Variants in CASZ1 observed in about 807,000 individuals in gnomAD.
CASZ1 encodes the protein zinc finger protein castor homolog 1.
A neutral mutation model predicts 135.2 loss-of-function variants in CASZ1; 28 were observed. That is an observed-to-expected ratio of 0.21 (90% confidence interval 0.15 to 0.28). The LOEUF (loss-of-function observed/expected upper bound fraction) is 0.28. Ranked by LOEUF, CASZ1 falls within the 10% of genes least tolerant of loss-of-function variation. CASZ1 has a pLI of 1.00. For missense variants in CASZ1, 2,161 were observed against 2,453.3 expected, an observed-to-expected ratio of 0.88 and a Z score of 2.52; for synonymous variants, 1,068 against 1,073.4, an observed-to-expected ratio of 0.99 and a Z score of 0.10.
rs1323449718 is a variant in CASZ1 at position 10,694,330 on chromosome 1, A to C, written c.-23-418T>G. 6.9e-6 allele frequency: 8 copies of C among 1,156,984 alleles called. No homozygotes were observed. Among genetic ancestry groups the C allele is most frequent in the Non-Finnish European group, 8.7e-6 (8 of 914,688 alleles). The allele number at this position is 1,156,984 out of a possible 1,614,324, so 71.7% of individuals were successfully genotyped here. On this transcript the variant is annotated intron_variant, in intron 3 of 20. Transcript: ENST00000377022. This position sits in a 1 kb window ranked among gnomAD's most constrained non-coding sequence, Gnocchi z 6.6. ...GAGAGTCGAAAGCCGAATTCACTTA[A>C]ATAATCAACTTTCATAATACTTAAT...
intron 4 of CASZ1, among the ~76,000 whole-genome samples, chr1:10,680,482 C>T (rs2100356746): frequency 6.6e-6 from 1 of 152,318 alleles, no homozygotes; most frequent in Middle Eastern, 3.4e-3. Context: ...TGAGCAGCTA[C>T]TGGCACTGCC....
At chr1:10,768,206 G>A (rs938780783) in intron 1 of CASZ1, among the ~76,000 whole-genome samples, 3 of 138,350 alleles carry the variant, frequency 2.2e-5, no homozygotes, top group Admixed American at 7.0e-5. Flanking sequence ...ATTATTGTTC[G>A]TTTGTTTGTT....
In CASZ1 at chr1:10,653,723, C is replaced by T; in HGVS notation, c.2334G>A (p.Gln778=). ...PNSKISGLLP[Q]GLPGSIPLAL... ...CCAGGGGGATTGAGCCAGGCAGGCC[C>T]TGGGGCAGCAGCCCCGAGATCTTGC... The change falls in exon 11 of 21, where the codon CAG becomes CAA. Residue 778 remains glutamine, a synonymous_variant. Transcript: ENST00000377022. 6.2e-7 allele frequency: 1 copy of T among 1,604,422 alleles called. No homozygotes were observed. The highest frequency in any genetic ancestry group is 8.5e-7 in the Non-Finnish European group (1 of 1,175,100).
chr1:10,773,815 G>A (rs1043643649), intron 1 of CASZ1, among the ~76,000 whole-genome samples: 1 of 152,204 alleles, frequency 6.6e-6, no homozygotes, highest in Non-Finnish European at 1.5e-5. Context: ...GAAAACCAAA[G>A]CACTCAAAAT....
chr1:10,658,319 C>T (rs576574698), intron 7 of CASZ1, 189 bp downstream of exon 7: 14 of 601,338 alleles, frequency 2.3e-5, no homozygotes, highest in Middle Eastern at 3.0e-4. Flanking sequence ...CTACACAGAG[C>T]GGAGGGAGGC....
At chr1:10,728,959 C>G (rs1468261860) in intron 2 of CASZ1, among the ~76,000 whole-genome samples, 1 of 152,136 alleles carries the variant, frequency 6.6e-6, no homozygotes, top group African/African-American at 2.4e-5. Flanking sequence ...GAGGTGAAAA[C>G]AAGAGGCCTT....
At chr1:10,693,572 A>G (rs1041489603) in intron 4 of CASZ1, among the ~76,000 whole-genome samples, 1 of 151,214 alleles carries the variant, frequency 6.6e-6, no homozygotes, top group Non-Finnish European at 1.5e-5. Context: ...AACACGGAGA[A>G]CAAAAACCCC....
At chr1:10,743,680 G>A (rs1280733310) in intron 2 of CASZ1, among the ~76,000 whole-genome samples, 21 of 147,104 alleles carry the variant, frequency 1.4e-4, no homozygotes, top group Non-Finnish European at 2.5e-4. Context: ...GGCGGGGTGC[G>A]GGGGGAGGAG....
intron 4 of CASZ1, among the ~76,000 whole-genome samples, chr1:10,688,807 C>T (rs551023090): frequency 6.6e-6 from 1 of 152,298 alleles, no homozygotes; most frequent in African/African-American, 2.4e-5. Context: ...CACAGGTGGT[C>T]CCGGCGAGGC....
chr1:10,639,541 C>T lies in CASZ1; in HGVS notation c.4681G>A (p.Asp1561Asn). The T allele has an allele frequency of 6.2e-7, 1 of 1,610,638 alleles. No homozygotes were observed. Among genetic ancestry groups the T allele is most frequent in the Non-Finnish European group, 8.5e-7 (1 of 1,178,356 alleles). Reference protein sequence around the residue: ...FSSSADCAVPDCKYKLKCSHF... With the variant: ...FSSSADCAVPNCKYKLKCSHF... ...GAGCACTTGAGCTTGTACTTGCAGT[C>T]GGGCACGGCGCAGTCGGCGCTGGAG... The change falls in exon 21 of 21, where the codon GAC (aspartate) becomes AAC (asparagine). Residue 1561 changes from aspartate to asparagine, a missense_variant. Physicochemically the swap from Asp to Asn is conservative, Grantham distance 23. This residue lies in a region of CASZ1 where 240 missense variants were observed against 321.4 expected (regional missense o/e 0.75). Coordinates refer to ENST00000377022, the MANE Select transcript of CASZ1 (RefSeq NM_001079843.3). The surrounding 1 kb of genome is among the most constrained non-coding windows in gnomAD (Gnocchi z 4.0).
intron 4 of CASZ1, among the ~76,000 whole-genome samples, chr1:10,672,143 T>C (rs1643423644): frequency 6.6e-6 from 1 of 151,810 alleles, no homozygotes; most frequent in African/African-American, 2.4e-5. Flanking sequence ...CATCTCCCCA[T>C]GAACTCTATT....
chr1:10,763,918 A>G (rs1640423852), intron 1 of CASZ1, among the ~76,000 whole-genome samples: 1 of 152,194 alleles, frequency 6.6e-6, no homozygotes, highest in African/African-American at 2.4e-5. Flanking sequence ...GCTGGAGTGC[A>G]GTGGCGCAAT....
chr1:10,658,686 T>A (rs914931684), intron 6 of CASZ1, 110 bp from the exon 7 acceptor site: 47 of 817,262 alleles, frequency 5.8e-5, no homozygotes, highest in Non-Finnish European at 9.0e-5. Context: ...TCTGCTCTGC[T>A]CTGCAGTGTC....
In CASZ1 at chr1:10,654,516, G is replaced by A; in HGVS notation, c.1741C>T (p.Leu581Phe). The A allele has an allele frequency of 2.5e-6, 4 of 1,614,262 alleles. No individual in the cohort carries two copies. In the South Asian group the frequency reaches 3.3e-5, roughly 13 times the overall value. ...HENFHKKNTQ[L>F]INDGFQRFRA... ...AAGCGCTGGAAGCCGTCGTTAATGA[G>A]CTGGGTATTCTTCTTGTGGAAGTTC... The change falls in exon 10 of 21, where the codon CTC becomes TTC. Residue 581 changes from leucine (L) to phenylalanine (F), a missense_variant. By Grantham distance (22) the Leu-to-Phe change is conservative. Transcript: ENST00000377022.
intron 4 of CASZ1, among the ~76,000 whole-genome samples, chr1:10,681,467 C>T (rs950384298): frequency 1.3e-4 from 19 of 151,226 alleles, no homozygotes; most frequent in African/African-American, 2.7e-4. Flanking sequence ...CCTCAGAGCC[C>T]GGCCACCCCT....
At chr1:10,783,246 AGT>A (rs70997266) in intron 1 of CASZ1, among the ~76,000 whole-genome samples, 37,311 of 147,898 alleles carry the variant, frequency 0.25, 5,114 homozygotes, top group East Asian at 0.57. Context: ...CCAGTGGAGA[AGT>A]GTGTGTGTGT....
rs1640907458 is a variant in CASZ1 at position 10,788,987 on chromosome 1, G to A, written c.-234+7577C>T. On this transcript the variant is annotated intron_variant, in intron 1 of 20. Coordinates refer to ENST00000377022, the MANE Select transcript of CASZ1 (RefSeq NM_001079843.3). The surrounding 1 kb of genome is among the most constrained non-coding windows in gnomAD (Gnocchi z 4.1). ...CTCTGTCCCTCCTGCTTCTCACAGT[G>A]GCCACTGCAGGGGAGCCCAAGGGGA... is the stretch of plus-strand genomic sequence containing the variant. Among the ~76,000 whole-genome samples, 2 of 152,172 alleles carry A rather than the reference G, an allele frequency of 1.3e-5. No homozygotes were observed. The highest frequency in any genetic ancestry group is 4.8e-5 in the African/African-American group (2 of 41,428).
chr1:10,769,403 T>G (rs1317087493), intron 1 of CASZ1, among the ~76,000 whole-genome samples: 1 of 152,210 alleles, frequency 6.6e-6, no homozygotes, highest in Non-Finnish European at 1.5e-5. Context: ...TTAAAGAAGC[T>G]AGAGGCTTGG....
intron 6 of CASZ1, among the ~76,000 whole-genome samples, chr1:10,659,343 G>A (rs778195478): frequency 1.5e-4 from 23 of 150,920 alleles, no homozygotes; most frequent in Non-Finnish European, 2.9e-4. Flanking sequence ...GGGCAGTCCC[G>A]GTGTGCATGC....
Sources: allele counts gnomAD v4.1 joint callset (sites outside exome capture counted in the v4.1 genomes callset), GRCh38; gene constraint gnomAD v4.1.1; regional missense constraint gnomAD v4.1.1; non-coding constraint Gnocchi (gnomAD v3.1); transcripts MANE v1.5; gene names NCBI Gene and HGNC (gene_info 2026-07-23, HGNC 2026-07-21).